RBFOX1: variants seen among roughly 807,000 people sequenced by gnomAD.
RBFOX1 encodes RNA binding fox-1 homolog 1, also known as RNA binding protein fox-1 homolog 1.
RBFOX1 carries 8 observed loss-of-function variants against 57.7 expected under a neutral mutation model. That is an observed-to-expected ratio of 0.14 (90% CI 0.08 to 0.25). The LOEUF is 0.25. RBFOX1 is among the 10% of genes least tolerant of loss of function. The pLI, the probability that RBFOX1 is intolerant of heterozygous loss-of-function variation, is 1.00. For synonymous variants in RBFOX1, 326 were observed against 222.4 expected, an observed-to-expected ratio of 1.47 and a Z score of -4.15; for missense variants, 611 against 548.5, an observed-to-expected ratio of 1.11 and a Z score of -1.14.
Position 6,828,574 on chromosome 16 carries a change from G to C in RBFOX1, c.-16+173924G>C, listed in dbSNP as rs548724440. On this transcript the variant is annotated intron_variant, in intron 3 of 15. Transcript: ENST00000550418. Reference sequence around the variant, plus strand: ...TTCATATGACTAGAGGCTGTGGGCTGATCAGATCCTGAAAAACCGGGCATG... The same window carrying C: ...TTCATATGACTAGAGGCTGTGGGCTCATCAGATCCTGAAAAACCGGGCATG... 7.2e-5 allele frequency among the ~76,000 whole-genome samples: 11 copies of C among 151,898 alleles called. No homozygotes were observed. In the South Asian group the frequency reaches 2.1e-3, roughly 29 times the overall value.
intron 3 of RBFOX1, among the ~76,000 whole-genome samples, chr16:6,957,699 C>T (rs765174357): frequency 5.3e-5 from 8 of 152,086 alleles, no homozygotes; most frequent in Non-Finnish European, 1.2e-4. Flanking sequence ...GGGAAAGTAG[C>T]CCAGCAGGTC....
chr16:6,263,732 G>T (rs898493402), intron 1 of RBFOX1, among the ~76,000 whole-genome samples: 1 of 151,958 alleles, frequency 6.6e-6, no homozygotes, highest in Non-Finnish European at 1.5e-5. Context: ...TTGTAAATTT[G>T]TCATTATCTC....
intron 2 of RBFOX1, among the ~76,000 whole-genome samples, chr16:5,565,563 C>T (rs9940684): frequency 0.48 from 73,264 of 151,420 alleles, 18,036 homozygotes; most frequent in African/African-American, 0.55. Flanking sequence ...AGGCGGAGTT[C>T]GTGGTGAGCT....
At chr16:7,046,823 C>G (rs1489814063) in intron 3 of RBFOX1, among the ~76,000 whole-genome samples, 1 of 151,954 alleles carries the variant, frequency 6.6e-6, no homozygotes, top group Non-Finnish European at 1.5e-5. Context: ...CCAGACTGGT[C>G]TTGAACTCCT....
chr16:6,288,096 C>T (rs747609385), intron 1 of RBFOX1, among the ~76,000 whole-genome samples: 8 of 152,244 alleles, frequency 5.3e-5, no homozygotes, highest in African/African-American at 7.2e-5. Context: ...CTCTTAGCTG[C>T]GTGCAGCATC....
chr16:7,693,501 T>A, intron 14 of RBFOX1: 2 of 685,810 alleles, frequency 2.9e-6, no homozygotes, highest in Non-Finnish European at 4.8e-6. Flanking sequence ...AGATCTTATA[T>A]CTTTGGAGTA....
At chr16:7,465,043 C>G (rs957993025) in intron 4 of RBFOX1, among the ~76,000 whole-genome samples, 1 of 151,988 alleles carries the variant, frequency 6.6e-6, no homozygotes, top group Non-Finnish European at 1.5e-5. Context: ...TAGCATGTTA[C>G]CTCTTCCAGG....
chr16:6,721,314 G>T (rs1442066307), intron 3 of RBFOX1, among the ~76,000 whole-genome samples: 1 of 152,054 alleles, frequency 6.6e-6, no homozygotes, highest in African/African-American at 2.4e-5. Flanking sequence ...ATGGTGGCGG[G>T]TGCCTGTAAT....
At chr16:5,451,695 G>T (rs1454296742) in intron 1 of RBFOX1, among the ~76,000 whole-genome samples, 1 of 152,216 alleles carries the variant, frequency 6.6e-6, no homozygotes, top group Non-Finnish European at 1.5e-5. Context: ...ATCGTCCCTG[G>T]TTTTAATGAT....
intron 1 of RBFOX1, among the ~76,000 whole-genome samples, chr16:6,034,933 G>A (rs1008598350): frequency 9.3e-6 from 1 of 107,462 alleles, no homozygotes; most frequent in African/African-American, 3.8e-5. Flanking sequence ...CTTAACCATT[G>A]AGCTGGGAAG....
chr16:6,814,981 T>C (rs1292165788), intron 3 of RBFOX1, among the ~76,000 whole-genome samples: 1 of 152,216 alleles, frequency 6.6e-6, no homozygotes, highest in Non-Finnish European at 1.5e-5. Flanking sequence ...AGCAGTGGTA[T>C]GGGCCGCCCA....
At chr16:6,196,401 A>AT (rs764512536) in intron 1 of RBFOX1, among the ~76,000 whole-genome samples, 3 of 152,290 alleles carry the variant, frequency 2.0e-5, no homozygotes, top group African/African-American at 7.2e-5. Context: ...TATCTTTCAG[A>AT]TTTTTTGTAG....
chr16:7,187,658 C>G (rs1283951110), intron 4 of RBFOX1, among the ~76,000 whole-genome samples: 2 of 119,422 alleles, frequency 1.7e-5, no homozygotes, highest in African/African-American at 6.5e-5. Context: ...CACTGCAGTC[C>G]AGCCTGGGCA....
At chr16:6,194,253 A>C (rs112355368) in intron 1 of RBFOX1, among the ~76,000 whole-genome samples, 91 of 152,174 alleles carry the variant, frequency 6.0e-4, no homozygotes, top group African/African-American at 2.1e-3. Flanking sequence ...AGAATCCAGC[A>C]TTTGCCTTAT....
At chr16:5,307,062 G>T (rs543948455) in intron 1 of RBFOX1, among the ~76,000 whole-genome samples, 2 of 152,068 alleles carry the variant, frequency 1.3e-5, no homozygotes, top group Non-Finnish European at 2.9e-5. Context: ...TCTCCGTGGT[G>T]GGGGGTGGAG....
At chr16:6,655,065 G>A (rs2098637503) in intron 3 of RBFOX1, among the ~76,000 whole-genome samples, 1 of 151,440 alleles carries the variant, frequency 6.6e-6, no homozygotes, top group Non-Finnish European at 1.5e-5. Context: ...CTATATATCT[G>A]ACTCATACAC....
chr16:7,567,461 C>CTA (rs760138486), intron 5 of RBFOX1, among the ~76,000 whole-genome samples: 1,327 of 32,476 alleles, frequency 0.041, 74 homozygotes, highest in African/African-American at 0.11. Flanking sequence ...ATGTATGGCC[C>CTA]TATATATATA....
rs573786894 is a variant in RBFOX1, at chr16:5,382,524, C to T, written c.220-84692C>T. Among the ~76,000 whole-genome samples the T allele has an allele frequency of 2.5e-3, 378 of 152,136 alleles. 2 individuals are homozygous for T. The highest frequency in any genetic ancestry group is 4.0e-3 in the Non-Finnish European group (274 of 68,012). On this transcript the variant is annotated intron_variant, in intron 1 of 2. Transcript: ENST00000585867. ...TTGCAATCTGTGGCCATTTCTGTAG[C>T]GTTCTGATTTGCAAACAGGACTCAC...
chr16:6,624,724 A>C (rs1356079830), intron 2 of RBFOX1, among the ~76,000 whole-genome samples: 1 of 152,210 alleles, frequency 6.6e-6, no homozygotes, highest in Admixed American at 6.5e-5. Flanking sequence ...AGAAAGAAGA[A>C]GAAAAAGGCT....
Sources: allele counts gnomAD v4.1 joint callset (sites outside exome capture counted in the v4.1 genomes callset), GRCh38; gene constraint gnomAD v4.1.1; transcripts MANE v1.5; gene names NCBI Gene and HGNC (gene_info 2026-07-23, HGNC 2026-07-21).